AMBRA1: variants seen among roughly 807,000 people sequenced by gnomAD.
The protein encoded by AMBRA1 is activating molecule in BECN1-regulated autophagy protein 1.
A neutral mutation model predicts 125.4 loss-of-function variants in AMBRA1; 47 were observed. That is an observed-to-expected ratio of 0.37 (90% CI 0.30 to 0.48). AMBRA1 has a LOEUF of 0.48. Among genes scored for constraint, AMBRA1 ranks in the 20% least tolerant of loss-of-function variants. The probability of loss-of-function intolerance (pLI) is 0.99; values close to 1 mark genes in which losing one functional copy is unlikely to be tolerated. For synonymous variants in AMBRA1, 626 were observed against 655.5 expected (o/e 0.95, Z 0.69); for missense variants, 1,331 against 1,693.4 (o/e 0.79, Z 3.76).
At chr11:46,487,490 A>G (rs1005238768) in intron 11 of AMBRA1, among the ~76,000 whole-genome samples, 1 of 152,188 alleles carries the variant, frequency 6.6e-6, no homozygotes, top group Non-Finnish European at 1.5e-5. Flanking sequence ...GTATTAATCA[A>G]TAAGTTAACA....
chr11:46,537,885 A>G (rs191559196), intron 7 of AMBRA1, among the ~76,000 whole-genome samples: 1 of 152,266 alleles, frequency 6.6e-6, no homozygotes, highest in East Asian at 1.9e-4. Flanking sequence ...CCTTTTATGA[A>G]CTCCACTCAC....
Position 46,585,677 on chromosome 11 carries a change from AAAAAAAAAAAAAAAAAAAATATAT to A in AMBRA1, c.-121+8127_-121+8150del, listed in dbSNP as rs1466140721. Among the ~76,000 whole-genome samples the A allele has an allele frequency of 1.8e-4, 6 of 33,602 alleles. 1 individual carries two copies. Among genetic ancestry groups the A allele is most frequent in the African/African-American group, 7.1e-4 (6 of 8,410 alleles). 22.0% of individuals were successfully genotyped at this position (33,602 alleles called of 152,430 possible). A position where few individuals can be genotyped will look rare whatever the true frequency, so the allele number is the denominator to read the frequency against. ...CAAGACTCCATCTCAAAAAAAAAAA[AAAAAAAAAAAAAAAAAAAATATAT>A]ATATATATATATATATATATATTCC... On this transcript the variant is annotated intron_variant, in intron 1 of 17. Coordinates refer to ENST00000683756, the MANE Select transcript of AMBRA1 (RefSeq NM_001387011.1).
At chr11:46,537,557 G>C (rs1440903459) in intron 7 of AMBRA1, among the ~76,000 whole-genome samples, 1 of 152,162 alleles carries the variant, frequency 6.6e-6, no homozygotes, top group Non-Finnish European at 1.5e-5. Context: ...GCTGGATCCT[G>C]CACTCCCACA....
chr11:46,493,942 T>A (rs1370911911), intron 10 of AMBRA1, 182 bp downstream of exon 10: 2 of 672,128 alleles, frequency 3.0e-6, no homozygotes, highest in East Asian at 5.5e-5. Flanking sequence ...CAGCACCACT[T>A]TTTCATCTCT....
intron 9 of AMBRA1, among the ~76,000 whole-genome samples, chr11:46,503,059 T>C (rs1950900367): frequency 2.2e-5 from 1 of 45,992 alleles, no homozygotes; most frequent in Admixed American, 3.6e-4. Context: ...AGACTCTGTC[T>C]CAAAAAAAAA....
At chr11:46,561,465 ATG>A (rs1175966264) in intron 1 of AMBRA1, among the ~76,000 whole-genome samples, 1 of 152,116 alleles carries the variant, frequency 6.6e-6, no homozygotes, top group Non-Finnish European at 1.5e-5. Flanking sequence ...CCTAGGACAG[ATG>A]TGATTACTCA....
At chr11:46,412,124 C>A (rs1486509825) in intron 15 of AMBRA1, among the ~76,000 whole-genome samples, 1 of 152,210 alleles carries the variant, frequency 6.6e-6, no homozygotes, top group South Asian at 2.1e-4. Flanking sequence ...CTTTAAAAAG[C>A]AGTACAGTTG....
chr11:46,505,166 G>GA (rs1383903749), intron 9 of AMBRA1, among the ~76,000 whole-genome samples: 1 of 152,274 alleles, frequency 6.6e-6, no homozygotes, highest in South Asian at 2.1e-4. Context: ...CTCTGTACCT[G>GA]AAAAAAATAT....
chr11:46,465,670 G>T lies in AMBRA1; in HGVS notation c.2522-22072C>A, dbSNP rs545798439. Among the ~76,000 whole-genome samples the T allele has an allele frequency of 4.6e-4, 70 of 152,280 alleles. 2 individuals carry two copies. In the South Asian group the frequency reaches 0.014, roughly 31 times the overall value. On this transcript the variant is annotated intron_variant, in intron 11 of 17. Coordinates refer to ENST00000683756, the MANE Select transcript of AMBRA1 (RefSeq NM_001387011.1). Reference sequence around the variant, plus strand: ...CTGCATAGGGCTTTATTTACTTTTGGTTTTTCCTGGCTCTTTGCAGTGTAA... The same window carrying T: ...CTGCATAGGGCTTTATTTACTTTTGTTTTTTCCTGGCTCTTTGCAGTGTAA...
intron 7 of AMBRA1, 25 bp from the exon 8 acceptor site, chr11:46,512,838 AT>A: frequency 6.3e-7 from 1 of 1,595,136 alleles, no homozygotes; most frequent in Non-Finnish European, 8.6e-7. Flanking sequence ...AAAAATGGCA[AT>A]AATCCCTGTC....
chr11:46,400,064 C>CA (rs1473032059), intron 17 of AMBRA1, among the ~76,000 whole-genome samples: 1 of 152,146 alleles, frequency 6.6e-6, no homozygotes, highest in Non-Finnish European at 1.5e-5. Context: ...TTGGGGTCTG[C>CA]AGCAGTGGAG....
At chr11:46,499,090 G>A (rs1474574419) in intron 9 of AMBRA1, among the ~76,000 whole-genome samples, 2 of 152,190 alleles carry the variant, frequency 1.3e-5, no homozygotes, top group Non-Finnish European at 2.9e-5. Context: ...AATAGCATAG[G>A]TCTCCTGGAA....
At chr11:46,518,594 C>A (rs1951625789) in intron 7 of AMBRA1, among the ~76,000 whole-genome samples, 1 of 152,110 alleles carries the variant, frequency 6.6e-6, no homozygotes, top group Non-Finnish European at 1.5e-5. Context: ...CAAGGCAGAA[C>A]TGAGGAATCC....
chr11:46,525,734 G>A (rs529455501), intron 7 of AMBRA1, among the ~76,000 whole-genome samples: 22 of 151,702 alleles, frequency 1.5e-4, no homozygotes, highest in South Asian at 1.0e-3. Context: ...CTGGGCAACA[G>A]AGCAAGACTC....
At chr11:46,497,429 G>T (rs776351508) in intron 9 of AMBRA1, among the ~76,000 whole-genome samples, 6 of 152,132 alleles carry the variant, frequency 3.9e-5, no homozygotes, top group African/African-American at 4.8e-5. Context: ...TAACATCTTG[G>T]CTAAGAATGG....
At position 46,543,089 on chromosome 11, in the gene AMBRA1, G is replaced by A. The variant is rs1020573658; in HGVS notation, c.928C>T (p.Leu310Phe). 4 of 1,591,022 alleles carry A rather than the reference G, an allele frequency of 2.5e-6. No homozygotes were observed. The highest frequency in any genetic ancestry group is 2.7e-5 in the African/African-American group (2 of 74,720). The part of the protein sequence containing the change: ...ECCQHLGILC[L>F]CSRCSGTRVP... ...CGAGTGCCAGAGCAGCGGCTGCAAAGGCACAGGATCCCAAGGTGCTGGCAG... is the reference window on the plus strand; with the variant it reads ...CGAGTGCCAGAGCAGCGGCTGCAAAAGCACAGGATCCCAAGGTGCTGGCAG... Residue 310 changes from leucine (L) to phenylalanine (F), a missense_variant, in exon 7 of 18, where the codon CTT becomes TTT. By Grantham distance (22) the Leu-to-Phe change is conservative. This residue lies in a region of AMBRA1 where 689 missense variants were observed against 776.5 expected (regional missense o/e 0.89). Coordinates refer to ENST00000683756, the MANE Select transcript of AMBRA1 (RefSeq NM_001387011.1).
chr11:46,571,245 G>A (rs887031517), intron 1 of AMBRA1, among the ~76,000 whole-genome samples: 3 of 152,088 alleles, frequency 2.0e-5, no homozygotes, highest in Admixed American at 6.6e-5. Flanking sequence ...GCTCAAGTCA[G>A]CACAAAGCTC....
intron 9 of AMBRA1, among the ~76,000 whole-genome samples, chr11:46,503,844 G>A (rs139567439): frequency 1.4e-4 from 21 of 152,306 alleles, no homozygotes; most frequent in African/African-American, 4.8e-4. Flanking sequence ...GTGAATAAGA[G>A]ACTTCTGTGC....
intron 1 of AMBRA1, among the ~76,000 whole-genome samples, chr11:46,569,325 C>T (rs1207291448): frequency 6.7e-6 from 1 of 148,278 alleles, no homozygotes; most frequent in Non-Finnish European, 1.5e-5. Context: ...AACATGTATG[C>T]ATATAATAGT....
Sources: allele counts gnomAD v4.1 joint callset (sites outside exome capture counted in the v4.1 genomes callset), GRCh38; gene constraint gnomAD v4.1.1; regional missense constraint gnomAD v4.1.1; transcripts MANE v1.5; gene names NCBI Gene and HGNC (gene_info 2026-07-23, HGNC 2026-07-21).